The following CAST variants were observed in gnomAD, a reference collection of about 807,000 sequenced individuals.
CAST encodes MIR583 host.
Under a neutral mutation model 119.6 loss-of-function variants are expected in CAST, and 76 were observed. The observed-to-expected ratio is 0.64, with a 90% CI of 0.53 to 0.77. The LOEUF is 0.77. Among genes scored for constraint, CAST ranks in the 30% least tolerant of loss-of-function variants. CAST has a pLI of 0.00. For missense variants in CAST, 953 were observed against 946.5 expected (o/e 1.01, Z -0.09); for synonymous variants, 319 against 331.6 (o/e 0.96, Z 0.41).
At chr5:96,513,720 A>G in the CAST span, among the ~76,000 whole-genome samples, 1 of 152,252 alleles carries the variant, frequency 6.6e-6, no homozygotes, top group Non-Finnish European at 1.5e-5. Flanking sequence ...ATTTTTATAT[A>G]AAAAGTCCTG....
intron 1 of CAST, among the ~76,000 whole-genome samples, chr5:96,550,148 C>A (rs1421229119): frequency 3.3e-5 from 5 of 152,206 alleles, no homozygotes; most frequent in Admixed American, 2.6e-4. Flanking sequence ...GGAGACACCT[C>A]CCAGTAGGGG....
chr5:96,406,521 G>A, the CAST span, among the ~76,000 whole-genome samples: 1 of 152,072 alleles, frequency 6.6e-6, no homozygotes, highest in Non-Finnish European at 1.5e-5. Context: ...TAAGAGCCTT[G>A]CTAGACTTCC....
chr5:96,686,973 C>T (rs1752155858), intron 2 of CAST, among the ~76,000 whole-genome samples: 1 of 152,130 alleles, frequency 6.6e-6, no homozygotes, highest in Non-Finnish European at 1.5e-5. Flanking sequence ...GTACATCATT[C>T]TCAAATATTG....
the CAST span, among the ~76,000 whole-genome samples, chr5:96,130,535 C>T: frequency 6.6e-6 from 1 of 151,220 alleles, no homozygotes; most frequent in South Asian, 2.1e-4. Context: ...TTAATTGTGA[C>T]AAGTATACCA....
intron 1 of CAST, among the ~76,000 whole-genome samples, chr5:96,561,796 G>GTTTTTTTGTTTTTTTTTTT (rs1267067922): frequency 2.6e-4 from 25 of 97,402 alleles, no homozygotes; most frequent in African/African-American, 7.7e-4. Context: ...GTTTTTTTTT[G>GTTTTTTTGTTTTTTTTTTT]TTTTTTTTTT....
At chr5:96,596,096 C>T (rs1016791663) in intron 1 of CAST, among the ~76,000 whole-genome samples, 4 of 152,146 alleles carry the variant, frequency 2.6e-5, no homozygotes, top group African/African-American at 9.7e-5. Context: ...ATGTCCATGT[C>T]CTAATCTCAT....
chr5:96,253,121 T>C, the CAST span, among the ~76,000 whole-genome samples: 21 of 152,274 alleles, frequency 1.4e-4, no homozygotes, highest in Middle Eastern at 3.4e-3. Context: ...TATTTTAAAC[T>C]TTCTTTTCAC....
chr5:96,218,434 G>A, the CAST span, among the ~76,000 whole-genome samples: 1 of 152,160 alleles, frequency 6.6e-6, no homozygotes, highest in African/African-American at 2.4e-5. Context: ...CTGCTGGAGA[G>A]GTAGAATTAG....
At chr5:96,051,330 T>C in the CAST span, among the ~76,000 whole-genome samples, 11 of 134,050 alleles carry the variant, frequency 8.2e-5, no homozygotes, top group African/African-American at 3.1e-4. Flanking sequence ...TGTAGATCTA[T>C]AGCTAAAATT....
chr5:96,766,589 A>G (rs1770061939), intron 27 of CAST, among the ~76,000 whole-genome samples: 1 of 152,200 alleles, frequency 6.6e-6, no homozygotes, highest in African/African-American at 2.4e-5. Flanking sequence ...CATCATCATC[A>G]GCACTATTGC....
the CAST span, among the ~76,000 whole-genome samples, chr5:96,345,011 G>A: frequency 5.9e-4 from 90 of 152,158 alleles, 2 homozygotes; most frequent in Admixed American, 5.1e-3. Context: ...CTGGCTTGAT[G>A]TGCTTATGTG....
the CAST span, among the ~76,000 whole-genome samples, chr5:96,029,257 T>A: frequency 6.6e-6 from 1 of 152,184 alleles, no homozygotes; most frequent in Non-Finnish European, 1.5e-5. Context: ...AATTGTGGAT[T>A]TTGGCAGATA....
the CAST span, among the ~76,000 whole-genome samples, chr5:95,976,750 G>A: frequency 6.6e-6 from 1 of 152,132 alleles, no homozygotes; most frequent in African/African-American, 2.4e-5. Flanking sequence ...ATCACTGTGA[G>A]ATTATATTAC....
chr5:96,086,669 G>A, the CAST span, among the ~76,000 whole-genome samples: 1 of 90,342 alleles, frequency 1.1e-5, no homozygotes, highest in Non-Finnish European at 2.6e-5. Flanking sequence ...TTTTGGTCCA[G>A]AGAGGCTGTT....
At chr5:96,495,116 C>T in the CAST span, among the ~76,000 whole-genome samples, 1 of 96,246 alleles carries the variant, frequency 1.0e-5, no homozygotes, top group Non-Finnish European at 2.2e-5. Flanking sequence ...CAGAGCGAGA[C>T]TGTCTCAAAA....
chr5:96,191,576 G>A, the CAST span, among the ~76,000 whole-genome samples: 1 of 152,168 alleles, frequency 6.6e-6, no homozygotes, highest in Admixed American at 6.5e-5. Flanking sequence ...CAAATAAACT[G>A]TGAGGATATA....
intron 2 of CAST, among the ~76,000 whole-genome samples, chr5:96,692,365 G>A (rs564063004): frequency 6.6e-6 from 1 of 152,310 alleles, no homozygotes; most frequent in South Asian, 2.1e-4. Flanking sequence ...GTAGTAACCT[G>A]AGAAGACTAG....
Position 96,742,757 on chromosome 5 carries a change from G to C in CAST, c.1200+1G>C. On this transcript the variant is annotated splice_donor_variant, in intron 16 of 31. Coordinates refer to ENST00000675179, the MANE Select transcript of CAST (RefSeq NM_001750.7). LOFTEE classifies it high-confidence loss of function. ...CCGCTCAATTAAGGAAGTCGATGAG[G>C]TACTGACCTTAGAGTTGATTTACAA... The C allele has an allele frequency of 6.2e-7, 1 of 1,607,000 alleles. No individual in the cohort carries two copies. The highest frequency in any genetic ancestry group is 1.7e-5 in the Admixed American group (1 of 60,004).
At chr5:96,277,340 C>T in the CAST span, among the ~76,000 whole-genome samples, 1 of 152,002 alleles carries the variant, frequency 6.6e-6, no homozygotes, top group Non-Finnish European at 1.5e-5. Context: ...TTCTTTCCAG[C>T]CATTGGTGTC....
Sources: allele counts gnomAD v4.1 joint callset (sites outside exome capture counted in the v4.1 genomes callset), GRCh38; gene constraint gnomAD v4.1.1; transcripts MANE v1.5; gene names NCBI Gene and HGNC (gene_info 2026-07-23, HGNC 2026-07-21).